The following DYNC1H1 variants were observed in gnomAD, a reference collection of about 807,000 sequenced individuals.
DYNC1H1 encodes the protein dynein cytoplasmic 1 heavy chain 1, also known as cytoplasmic dynein 1 heavy chain 1.
DYNC1H1 carries 51 observed loss-of-function variants against 527.1 expected under a neutral mutation model. The observed-to-expected ratio is 0.10, with a 90% CI of 0.08 to 0.12. The LOEUF (loss-of-function observed/expected upper bound fraction) is 0.12. Ranked by LOEUF, DYNC1H1 falls within the 10% of genes least tolerant of loss-of-function variation. DYNC1H1 has a pLI of 1.00. For missense variants in DYNC1H1, 2,771 were observed against 5,971.8 expected (o/e 0.46, Z 17.66); for synonymous variants, 2,189 against 2,278.8 (o/e 0.96, Z 1.12).
intron 1 of DYNC1H1, among the ~76,000 whole-genome samples, chr14:101,968,539 G>T (rs1235375327): frequency 6.6e-6 from 1 of 151,578 alleles, no homozygotes; most frequent in Non-Finnish European, 1.5e-5. Context: ...CCACGTGTTT[G>T]TTTGTTTAAC....
At chr14:101,987,337 G>T in intron 8 of DYNC1H1, 116 bp from the exon 9 acceptor site, 1 of 1,191,154 alleles carries the variant, frequency 8.4e-7, no homozygotes, top group Non-Finnish European at 1.2e-6. Flanking sequence ...AGCTACTTAT[G>T]GAAGAACTGT....
Position 101,994,225 on chromosome 14 carries a change from T to C in DYNC1H1, c.3057T>C (p.Tyr1019=). Residue 1019 remains tyrosine (Y), a synonymous_variant, in exon 12 of 78, where the codon TAT becomes TAC. Coordinates refer to ENST00000360184, the MANE Select transcript of DYNC1H1 (RefSeq NM_001376.5). ...HYELTEEEKF[Y]RNALTRMPDG... ...AATTGACTGAGGAAGAGAAATTCTA[T>C]CGGAATGCTTTAACACGGATGCCTG... is the stretch of plus-strand genomic sequence containing the variant. The C allele has an allele frequency of 6.2e-7, 1 of 1,614,240 alleles. No homozygotes were observed. Among genetic ancestry groups the C allele is most frequent in the Non-Finnish European group, 8.5e-7 (1 of 1,180,044 alleles).
chr14:102,019,208 G>A (rs1169019804), intron 41 of DYNC1H1, among the ~76,000 whole-genome samples: 1 of 152,182 alleles, frequency 6.6e-6, no homozygotes, highest in African/African-American at 2.4e-5. Flanking sequence ...GACCAGCTAC[G>A]CCTCCACCAG....
At position 102,042,610 on chromosome 14, in the gene DYNC1H1, T is replaced by C. The variant is rs1443392971; in HGVS notation, c.12400-25T>C. On this transcript the variant is annotated intron_variant, in intron 68 of 77. Coordinates refer to ENST00000360184, the MANE Select transcript of DYNC1H1 (RefSeq NM_001376.5). This position sits in a 1 kb window ranked among gnomAD's most constrained non-coding sequence, Gnocchi z 5.7. ...AGGCGCCCTCATCCACACCCGAGCA[T>C]AACTGGAACGGCGCTCTCCCTTAGG... is the stretch of plus-strand genomic sequence containing the variant. 1.2e-6 allele frequency: 2 copies of C among 1,614,074 alleles called. No individual in the cohort carries two copies. The highest frequency in any genetic ancestry group is 2.2e-5 in the South Asian group (2 of 91,054).
intron 5 of DYNC1H1, among the ~76,000 whole-genome samples, chr14:101,980,957 G>C (rs2047856569): frequency 6.6e-6 from 1 of 152,158 alleles, no homozygotes; most frequent in Non-Finnish European, 1.5e-5. Context: ...AAAAGAACTG[G>C]TCAGTACCAC....
In DYNC1H1 at chr14:102,019,028, G is replaced by A. The variant is rs193233519; in HGVS notation, c.8343+412G>A. On this transcript the variant is annotated intron_variant, in intron 41 of 77. Transcript: ENST00000360184. ...ATTGAGCCGAGAGACTTTCTCCAAG[G>A]TCTGTCATCAAAGTCACTTTTCTAT... Among the ~76,000 whole-genome samples the A allele has an allele frequency of 1.7e-4, 26 of 152,250 alleles. 1 individual carries two copies. The highest frequency in any genetic ancestry group is 6.0e-4 in the African/African-American group (25 of 41,544).
chr14:101,975,988 C>G (rs1280391106), intron 2 of DYNC1H1, among the ~76,000 whole-genome samples, 189 bp downstream of exon 2: 8 of 150,766 alleles, frequency 5.3e-5, no homozygotes, highest in African/African-American at 1.9e-4. Flanking sequence ...GCTCACTGCA[C>G]CCTCTGCCTC....
Position 101,965,802 on chromosome 14 carries a change from C to A in DYNC1H1, c.256+855C>A, listed in dbSNP as rs2047660697. ...AATGATAACCCTGTAATATTTGAGT[C>A]TAATTTTACAGATTAAAAAAAAAAA... On this transcript the variant is annotated intron_variant, in intron 1 of 77. Transcript: ENST00000360184. This position sits in a 1 kb window ranked among gnomAD's most constrained non-coding sequence, Gnocchi z 4.1. Among the ~76,000 whole-genome samples, 1 of 146,320 alleles carries A rather than the reference C, an allele frequency of 6.8e-6. No individual in the cohort carries two copies. The highest frequency in any genetic ancestry group is 6.8e-5 in the Admixed American group (1 of 14,682).
Position 102,016,248 on chromosome 14 carries a change from G to C in DYNC1H1, c.7474-101G>C, listed in dbSNP as rs2048321120. The C allele has an allele frequency of 6.5e-7, 1 of 1,537,790 alleles. No homozygotes were observed. Among genetic ancestry groups the C allele is most frequent in the Non-Finnish European group, 8.9e-7 (1 of 1,128,980 alleles). On this transcript the variant is annotated intron_variant, in intron 36 of 77. Transcript: ENST00000360184. The surrounding 1 kb of genome is among the most constrained non-coding windows in gnomAD (Gnocchi z 7.3). ...GGTGCAGTGGGTGTCTGTGATGCAA[G>C]AAGACTGGGAACCACTGTCTTTAGG... is the stretch of plus-strand genomic sequence containing the variant.
Position 102,033,622 on chromosome 14 carries a change from T to C in DYNC1H1, c.10413+138T>C. 9.1e-7 allele frequency: 1 copy of C among 1,095,646 alleles called. No individual in the cohort carries two copies. The highest frequency in any genetic ancestry group is 1.3e-6 in the Non-Finnish European group (1 of 746,654). 67.9% of individuals were successfully genotyped at this position (1,095,646 alleles called of 1,614,324 possible). On this transcript the variant is annotated intron_variant, in intron 54 of 77. Transcript: ENST00000360184. The surrounding 1 kb of genome is among the most constrained non-coding windows in gnomAD (Gnocchi z 5.6). Reference sequence around the variant, plus strand: ...TCTGTAAGGCCCCGGAGGACTTTTTTCCTGGAAAATAATACACACTGAGTA... The same window carrying C: ...TCTGTAAGGCCCCGGAGGACTTTTTCCCTGGAAAATAATACACACTGAGTA...
intron 63 of DYNC1H1, 65 bp from the exon 64 acceptor site, chr14:102,040,533 C>G: frequency 6.2e-7 from 1 of 1,611,960 alleles, no homozygotes; most frequent in Non-Finnish European, 8.5e-7. Context: ...GACTCTCGCT[C>G]AGTCGTGGGT....
At chr14:102,030,140 C>G (rs1315065015) in intron 50 of DYNC1H1, 22 bp from the exon 51 acceptor site, 1 of 1,613,892 alleles carries the variant, frequency 6.2e-7, no homozygotes, top group South Asian at 1.1e-5. Flanking sequence ...TAACCCATAC[C>G]TAAGCCATCC....
intron 44 of DYNC1H1, chr14:102,026,964 T>A (rs1051287147): frequency 2.6e-6 from 2 of 772,072 alleles, no homozygotes. Context: ...TGGAATTGCA[T>A]TAGTCTCTCA....
At chr14:102,026,896 C>A (rs1311627669) in intron 44 of DYNC1H1, 189 bp downstream of exon 44, 1 of 896,424 alleles carries the variant, frequency 1.1e-6, no homozygotes, top group Non-Finnish European at 1.7e-6. Context: ...AGCAGAACTT[C>A]ATTCTTCCTC....
At position 102,049,393 on chromosome 14, in the gene DYNC1H1, G is replaced by GGAGTT; in HGVS notation, c.13373-45_13373-41dup. The GGAGTT allele has an allele frequency of 6.2e-7, 1 of 1,612,384 alleles. No homozygotes were observed. Among genetic ancestry groups the GGAGTT allele is most frequent in the Non-Finnish European group, 8.5e-7 (1 of 1,179,970 alleles). Reference sequence around the variant, plus strand: ...GCACATTTGTTCCATCTGTGCTGGGGGAGTTGTGAGAGCTGACACCCTGGG... The same window carrying GGAGTT: ...GCACATTTGTTCCATCTGTGCTGGGGGAGTTGAGTTGTGAGAGCTGACACCCTGGG... On this transcript the variant is annotated intron_variant, in intron 74 of 77. Transcript: ENST00000360184. The surrounding 1 kb of genome is among the most constrained non-coding windows in gnomAD (Gnocchi z 5.5).
chr14:102,014,172 A>G (rs113152273), intron 34 of DYNC1H1, among the ~76,000 whole-genome samples: 3 of 152,106 alleles, frequency 2.0e-5, no homozygotes, highest in Non-Finnish European at 2.9e-5. Context: ...CTGGAGTCCG[A>G]CCACCTGCTT....
Position 101,965,016 on chromosome 14 carries a change from C to T in DYNC1H1, c.256+69C>T, listed in dbSNP as rs1369392282. 25 of 1,502,498 alleles carry T rather than the reference C, an allele frequency of 1.7e-5. No individual in the cohort carries two copies. The highest frequency in any genetic ancestry group is 1.9e-5 in the Non-Finnish European group (21 of 1,116,464). The allele number at this position is 1,502,498 out of a possible 1,614,324, so 93.1% of individuals were successfully genotyped here. Reference sequence around the variant, plus strand: ...GGAATGCAGGGCCTGCCAGGTCCTCCGGGGTCGCAGATGTCCCCGGGATGG... The same window carrying T: ...GGAATGCAGGGCCTGCCAGGTCCTCTGGGGTCGCAGATGTCCCCGGGATGG... On this transcript the variant is annotated intron_variant, in intron 1 of 77. Transcript: ENST00000360184. This position sits in a 1 kb window ranked among gnomAD's most constrained non-coding sequence, Gnocchi z 4.1.
At chr14:102,034,263 T>A (rs1003701213) in intron 55 of DYNC1H1, 62 bp from the exon 56 acceptor site, 1 of 1,613,888 alleles carries the variant, frequency 6.2e-7, no homozygotes, top group Admixed American at 1.7e-5. Context: ...ACAGTTAGAG[T>A]CTTGAGAACA....
rs755057769 is a variant in DYNC1H1, at chr14:102,009,844, C to G, written c.5979C>G (p.Thr1993=). 2 of 1,614,008 alleles carry G rather than the reference C, an allele frequency of 1.2e-6. No individual in the cohort carries two copies. Among genetic ancestry groups the G allele is most frequent in the East Asian group, 2.2e-5 (1 of 44,880 alleles). The change falls in exon 30 of 78, where the codon ACC becomes ACG. Residue 1993 remains threonine (T), a splice_region_variant and synonymous_variant. Coordinates refer to ENST00000360184, the MANE Select transcript of DYNC1H1 (RefSeq NM_001376.5). ...TTAACGCTATCATCTCATTCTCAGCCTCTGCCCCCATTACTTGTGAGCTGC... is the reference window on the plus strand; with the variant it reads ...TTAACGCTATCATCTCATTCTCAGCGTCTGCCCCCATTACTTGTGAGCTGC... ...REHSNPNYDK[T]SAPITCELLN...
Sources: allele counts gnomAD v4.1 joint callset (sites outside exome capture counted in the v4.1 genomes callset), GRCh38; gene constraint gnomAD v4.1.1; non-coding constraint Gnocchi (gnomAD v3.1); transcripts MANE v1.5; gene names NCBI Gene and HGNC (gene_info 2026-07-23, HGNC 2026-07-21).